LMTK2: variants seen among roughly 807,000 people sequenced by gnomAD.
LMTK2 encodes lemur tail kinase 2.
A neutral mutation model predicts 127.5 loss-of-function variants in LMTK2; 37 were observed. The observed-to-expected ratio is 0.29, with a 90% CI of 0.22 to 0.38. The LOEUF is 0.38. Among genes scored for constraint, LMTK2 ranks in the 10% least tolerant of loss-of-function variants. LMTK2 has a pLI of 1.00. For missense variants in LMTK2, 1,694 were observed against 1,920.3 expected, an observed-to-expected ratio of 0.88 and a Z score of 2.20; for synonymous variants, 819 against 810.1, an observed-to-expected ratio of 1.01 and a Z score of -0.19.
chr7:98,127,370 G>A (rs752509174), intron 1 of LMTK2, among the ~76,000 whole-genome samples: 12 of 152,114 alleles, frequency 7.9e-5, no homozygotes, highest in Admixed American at 2.0e-4. Flanking sequence ...CTTTATGTTG[G>A]GCCCATTTGG....
At chr7:98,116,670 C>T (rs1796291569) in intron 1 of LMTK2, among the ~76,000 whole-genome samples, 1 of 152,150 alleles carries the variant, frequency 6.6e-6, no homozygotes, top group South Asian at 2.1e-4. Context: ...TTGTTAACAT[C>T]CTATATTAAT....
intron 1 of LMTK2, among the ~76,000 whole-genome samples, chr7:98,118,503 T>C (rs1386141021): frequency 6.6e-6 from 1 of 152,246 alleles, no homozygotes; most frequent in African/African-American, 2.4e-5. Context: ...TGCTTTGATC[T>C]GTTTACTGAG....
chr7:98,120,850 CA>C (rs1255315124), intron 1 of LMTK2, among the ~76,000 whole-genome samples: 2 of 152,086 alleles, frequency 1.3e-5, no homozygotes, highest in Non-Finnish European at 2.9e-5. Flanking sequence ...ACCAACTTAC[CA>C]AAATAGCCCC....
chr7:98,186,798 G>T lies in LMTK2; in HGVS notation c.877-79G>T, dbSNP rs1383185636. ...TTTGGATTGGGTATATGTTTTCTGAGAATACCATGGATTTAAATTCTTGAA... is the reference window on the plus strand; with the variant it reads ...TTTGGATTGGGTATATGTTTTCTGATAATACCATGGATTTAAATTCTTGAA... On this transcript the variant is annotated intron_variant, in intron 8 of 13. Coordinates refer to ENST00000297293, the MANE Select transcript of LMTK2 (RefSeq NM_014916.4). 10 of 1,319,544 alleles carry T rather than the reference G, an allele frequency of 7.6e-6. No homozygotes were observed. In the African/African-American group the frequency reaches 1.5e-4, roughly 19 times the overall value. 81.7% of individuals were successfully genotyped at this position (1,319,544 alleles called of 1,614,324 possible). A position where few individuals can be genotyped will look rare whatever the true frequency, so the allele number is the denominator to read the frequency against.
At chr7:98,143,105 G>A (rs771122430) in intron 3 of LMTK2, among the ~76,000 whole-genome samples, 67 of 152,224 alleles carry the variant, frequency 4.4e-4, no homozygotes, top group Non-Finnish European at 7.9e-4. Flanking sequence ...ACAGTCAGAT[G>A]CAGGCAGAAG....
At chr7:98,165,602 T>A (rs536561011) in intron 6 of LMTK2, among the ~76,000 whole-genome samples, 2 of 152,340 alleles carry the variant, frequency 1.3e-5, no homozygotes, top group Admixed American at 1.3e-4. Flanking sequence ...CCCGGCCCTG[T>A]GTACTTTTAT....
At chr7:98,140,825 C>G (rs1180764516) in intron 2 of LMTK2, among the ~76,000 whole-genome samples, 1 of 151,492 alleles carries the variant, frequency 6.6e-6, no homozygotes, top group Non-Finnish European at 1.5e-5. Flanking sequence ...ACTTTTGGAG[C>G]CTAAGACAGG....
rs914065221 is a variant in LMTK2, at chr7:98,140,283, C to A, written c.232-1114C>A. On this transcript the variant is annotated intron_variant, in intron 2 of 13. Transcript: ENST00000297293. The stretch of plus-strand genomic sequence containing the variant: ...AGCCTCCTGAGTAGCCAGGACTACT[C>A]CAGTAGTCCTGCGCCACCATGCCTG... Among the ~76,000 whole-genome samples the A allele has an allele frequency of 3.3e-5, 5 of 151,608 alleles. No homozygotes were observed. In the South Asian group the frequency reaches 8.4e-4, roughly 26 times the overall value.
chr7:98,118,381 G>A (rs1181984188), intron 1 of LMTK2, among the ~76,000 whole-genome samples: 1 of 152,158 alleles, frequency 6.6e-6, no homozygotes, highest in Non-Finnish European at 1.5e-5. Flanking sequence ...ATTTTGGGGG[G>A]TCTTTCAGTG....
At chr7:98,175,254 A>G (rs755849270) in intron 7 of LMTK2, among the ~76,000 whole-genome samples, 13 of 152,230 alleles carry the variant, frequency 8.5e-5, no homozygotes, top group Non-Finnish European at 2.9e-5. Context: ...AATGGGCATC[A>G]GTTGAAGGCT....
chr7:98,110,029 G>A (rs902960155), intron 1 of LMTK2, among the ~76,000 whole-genome samples: 3 of 152,148 alleles, frequency 2.0e-5, no homozygotes, highest in African/African-American at 7.2e-5. Context: ...TGCACTCCTT[G>A]TGAAGATAGA....
chr7:98,186,007 C>T (rs1428623604), intron 8 of LMTK2, among the ~76,000 whole-genome samples: 1 of 151,778 alleles, frequency 6.6e-6, no homozygotes, highest in Non-Finnish European at 1.5e-5. Context: ...TCTAGTGTCT[C>T]GAGCACTTGC....
chr7:98,117,497 T>C (rs186558873), intron 1 of LMTK2, among the ~76,000 whole-genome samples: 5 of 152,364 alleles, frequency 3.3e-5, no homozygotes, highest in Non-Finnish European at 5.9e-5. Context: ...TCGAGAGCTC[T>C]TTCAGTTAGC....
At chr7:98,173,073 T>C (rs1278326870) in intron 7 of LMTK2, among the ~76,000 whole-genome samples, 3 of 152,308 alleles carry the variant, frequency 2.0e-5, no homozygotes, top group South Asian at 2.1e-4. Flanking sequence ...TATTCTTTTT[T>C]GTAAAAAGCA....
Position 98,192,866 on chromosome 7 carries a change from G to A in LMTK2, c.2401G>A (p.Asp801Asn), listed in dbSNP as rs752539999. The A allele has an allele frequency of 6.2e-7, 1 of 1,614,056 alleles. No individual in the cohort carries two copies. The highest frequency in any genetic ancestry group is 1.1e-5 in the South Asian group (1 of 91,086). Reference protein sequence around the residue: ...GDDTDVMLTGDTLSTSLQSSP... With the variant: ...GDDTDVMLTGNTLSTSLQSSP... ...CGATACAGATGTCATGCTCACAGGT[G>A]ACACTTTGAGCACCTCATTGCAGTC... is the stretch of plus-strand genomic sequence containing the variant. Residue 801 changes from aspartate to asparagine, a missense_variant, in exon 11 of 14, where the codon GAC becomes AAC. Physicochemically the swap from Asp to Asn is conservative, Grantham distance 23. Coordinates refer to ENST00000297293, the MANE Select transcript of LMTK2 (RefSeq NM_014916.4).
intron 11 of LMTK2, among the ~76,000 whole-genome samples, chr7:98,196,925 A>T (rs937647402): frequency 6.6e-6 from 1 of 152,222 alleles, no homozygotes; most frequent in Non-Finnish European, 1.5e-5. Context: ...TATGCGTCTC[A>T]TGCAGCATGC....
chr7:98,108,394 G>A (rs1032250220), intron 1 of LMTK2, among the ~76,000 whole-genome samples: 3 of 152,154 alleles, frequency 2.0e-5, no homozygotes, highest in African/African-American at 7.2e-5. Flanking sequence ...CTCCAGTAAA[G>A]ACATATTTTT....
At chr7:98,143,141 A>G (rs1040850331) in intron 3 of LMTK2, among the ~76,000 whole-genome samples, 1 of 152,204 alleles carries the variant, frequency 6.6e-6, no homozygotes, top group African/African-American at 2.4e-5. Context: ...CTGGGCAGCC[A>G]TTGTAATTTT....
rs1796706213 is a variant in LMTK2, at chr7:98,141,960, A to C, written c.376+419A>C. ...CAGATTGACTTTTCTAAGCTTCTTC[A>C]GACAGAGGTTTGGTTCTGTGTTAGT... On this transcript the variant is annotated intron_variant, in intron 3 of 13. Transcript: ENST00000297293. Among the ~76,000 whole-genome samples, 4 of 152,184 alleles carry C rather than the reference A, an allele frequency of 2.6e-5. No individual in the cohort carries two copies. In the South Asian group the frequency reaches 8.3e-4, roughly 31 times the overall value.
Sources: allele counts gnomAD v4.1 joint callset (sites outside exome capture counted in the v4.1 genomes callset), GRCh38; gene constraint gnomAD v4.1.1; transcripts MANE v1.5; gene names NCBI Gene and HGNC (gene_info 2026-07-23, HGNC 2026-07-21).